GAPVD1: variants seen among roughly 807,000 people sequenced by gnomAD.
The protein encoded by GAPVD1 is GTPase activating protein and VPS9 domains 1, also known as GTPase-activating protein and VPS9 domain-containing protein 1.
GAPVD1 carries 35 observed loss-of-function variants against 155.5 expected under a neutral mutation model. The ratio of observed to expected loss-of-function variants is 0.23; its 90% CI spans 0.17 to 0.30. The LOEUF (loss-of-function observed/expected upper bound fraction) is 0.30. GAPVD1 is among the 10% of genes least tolerant of loss of function. The probability of loss-of-function intolerance (pLI) is 1.00; values close to 1 mark genes in which losing one functional copy is unlikely to be tolerated. For missense variants in GAPVD1, 1,429 were observed against 1,775.7 expected (o/e 0.80, Z 3.51); for synonymous variants, 636 against 619.7 (o/e 1.03, Z -0.39).
Position 125,302,575 on chromosome 9 carries a change from G to C in GAPVD1, c.778G>C (p.Ala260Pro), listed in dbSNP as rs776630852. ...MVESNEAKLV[A>P]LVNKFIGYLK... ...GGAGTCCAATGAAGCAAAGCTAGTG[G>C]CTTTGGTGAACAAATTTATTGGTTA... The change falls in exon 5 of 28, where the codon GCT becomes CCT. Residue 260 changes from alanine (A) to proline (P), a missense_variant. Ala to Pro is a conservative substitution (Grantham distance 27). Transcript: ENST00000297933. 6.2e-7 allele frequency: 1 copy of C among 1,613,920 alleles called. No homozygotes were observed. The highest frequency in any genetic ancestry group is 8.5e-7 in the Non-Finnish European group (1 of 1,179,818).
At chr9:125,284,584 GA>G (rs1458257551) in intron 2 of GAPVD1, among the ~76,000 whole-genome samples, 1 of 151,870 alleles carries the variant, frequency 6.6e-6, no homozygotes, top group East Asian at 1.9e-4. Flanking sequence ...AGCACTGACT[GA>G]CAGGCTTGAG....
intron 2 of GAPVD1, among the ~76,000 whole-genome samples, chr9:125,293,245 A>G (rs1283794853): frequency 2.6e-5 from 4 of 152,050 alleles, no homozygotes; most frequent in Admixed American, 1.3e-4. Context: ...GGAGATTGCT[A>G]TGCTCTAGGA....
Position 125,312,588 on chromosome 9 carries a change from T to C in GAPVD1, c.1578T>C (p.Thr526=). Residue 526 remains threonine (T), a synonymous_variant, in exon 9 of 28, where the codon ACT becomes ACC. Transcript: ENST00000297933. The part of the protein sequence containing the change: ...VISLGTGPQL[T]PGMMSENEVL... ...CCTTAGGTACAGGTCCCCAGCTTAC[T>C]CCAGGGATGATGTCAGAAAATGAGG... 1 of 1,590,280 alleles carries C rather than the reference T, an allele frequency of 6.3e-7. No homozygotes were observed. The highest frequency in any genetic ancestry group is 8.5e-7 in the Non-Finnish European group (1 of 1,173,448).
chr9:125,294,554 G>T (rs556302935), intron 2 of GAPVD1, among the ~76,000 whole-genome samples: 65 of 150,130 alleles, frequency 4.3e-4, no homozygotes, highest in African/African-American at 1.4e-3. Context: ...CACCATGTTG[G>T]TCAGGCTGGT....
chr9:125,277,203 C>A (rs910011565), intron 2 of GAPVD1, among the ~76,000 whole-genome samples: 1 of 152,204 alleles, frequency 6.6e-6, no homozygotes, highest in Non-Finnish European at 1.5e-5. Flanking sequence ...TCATTCAGCA[C>A]CTGCTAAATG....
chr9:125,311,844 C>T (rs753740819), intron 8 of GAPVD1, among the ~76,000 whole-genome samples: 4 of 151,918 alleles, frequency 2.6e-5, no homozygotes, highest in South Asian at 2.1e-4. Context: ...CTCAGCCCCC[C>T]GAGTAGCTGG....
chr9:125,308,278 C>G (rs531694400), intron 8 of GAPVD1: 2 of 206,754 alleles, frequency 9.7e-6, no homozygotes, highest in Admixed American at 5.3e-5. Context: ...CCTGGGAGGT[C>G]GAGGCTGCAG....
At chr9:125,317,550 G>T (rs1420277929) in intron 9 of GAPVD1, among the ~76,000 whole-genome samples, 1 of 151,256 alleles carries the variant, frequency 6.6e-6, no homozygotes, top group Non-Finnish European at 1.5e-5. Context: ...GCTTGAACTT[G>T]GGATGTAGAG....
intron 1 of GAPVD1, among the ~76,000 whole-genome samples, chr9:125,267,583 A>G (rs1834172440): frequency 6.6e-6 from 1 of 151,872 alleles, no homozygotes; most frequent in African/African-American, 2.4e-5. Flanking sequence ...CTAATTTTGT[A>G]TTTTTAGTAG....
chr9:125,340,844 C>G (rs1371262147), intron 17 of GAPVD1, among the ~76,000 whole-genome samples: 1 of 152,190 alleles, frequency 6.6e-6, no homozygotes, highest in Non-Finnish European at 1.5e-5. Context: ...GCAAACAAGA[C>G]TGACTTTCTT....
At chr9:125,322,980 G>A (rs1215645033) in intron 10 of GAPVD1, among the ~76,000 whole-genome samples, 4 of 150,870 alleles carry the variant, frequency 2.7e-5, no homozygotes, top group Admixed American at 2.6e-4. Flanking sequence ...TTGAACCAGG[G>A]AGGCGGAGGT....
intron 1 of GAPVD1, among the ~76,000 whole-genome samples, chr9:125,263,298 A>G (rs1035126464): frequency 6.6e-6 from 1 of 152,150 alleles, no homozygotes; most frequent in Non-Finnish European, 1.5e-5. Flanking sequence ...AAAATACAAA[A>G]ATTAGTTGGG....
At chr9:125,270,060 A>C (rs547585807) in intron 2 of GAPVD1, among the ~76,000 whole-genome samples, 102 of 152,046 alleles carry the variant, frequency 6.7e-4, no homozygotes, top group Non-Finnish European at 1.4e-3. Context: ...AATTTTTTTT[A>C]CTGTATACAC....
At chr9:125,312,931 CT>C (rs1267768687) in intron 9 of GAPVD1, among the ~76,000 whole-genome samples, 1 of 152,124 alleles carries the variant, frequency 6.6e-6, no homozygotes, top group Non-Finnish European at 1.5e-5. Flanking sequence ...AGCAATTCTC[CT>C]GCCTCAGCCT....
intron 3 of GAPVD1, among the ~76,000 whole-genome samples, chr9:125,296,055 C>G (rs778250297): frequency 6.6e-6 from 1 of 152,094 alleles, no homozygotes. Flanking sequence ...GATAGCACAG[C>G]GATCATTATA....
chr9:125,302,856 C>A lies in GAPVD1; in HGVS notation c.1029+30C>A, dbSNP rs199552778. 1.9e-5 allele frequency: 30 copies of A among 1,548,752 alleles called. No homozygotes were observed. The South Asian group carries it at 3.5e-4, about 18-fold the overall frequency. ...GCTTTTGCTATTATTATTAACGTGG[C>A]ATTTAGTTTAAAATTCAGTTGATTG... is the stretch of plus-strand genomic sequence containing the variant. On this transcript the variant is annotated intron_variant, in intron 5 of 27. Coordinates refer to ENST00000297933, the MANE Select transcript of GAPVD1 (RefSeq NM_001282680.3).
At chr9:125,300,571 G>A (rs1364196954) in intron 4 of GAPVD1, among the ~76,000 whole-genome samples, 1 of 152,066 alleles carries the variant, frequency 6.6e-6, no homozygotes, top group African/African-American at 2.4e-5. Flanking sequence ...TTTGTATGAA[G>A]TTCAAAAAGA....
At chr9:125,274,893 C>A (rs560074278) in intron 2 of GAPVD1, among the ~76,000 whole-genome samples, 107 of 152,284 alleles carry the variant, frequency 7.0e-4, no homozygotes, top group Non-Finnish European at 1.3e-3. Flanking sequence ...AAAGATTGCA[C>A]AGCTAGGGAG....
chr9:125,328,811 C>T (rs1482165633), intron 12 of GAPVD1, among the ~76,000 whole-genome samples: 2 of 143,738 alleles, frequency 1.4e-5, no homozygotes, highest in Admixed American at 6.9e-5. Context: ...CCGGACGAGG[C>T]GGCTGGCCGG....
Sources: gnomAD v4.1 joint callset for allele counts (sites outside exome capture counted in the v4.1 genomes callset) on GRCh38, gnomAD v4.1.1 for gene constraint, MANE v1.5 for transcripts, NCBI Gene and HGNC (gene_info 2026-07-23, HGNC 2026-07-21) for gene names.